Variants in FOXK2 observed in about 807,000 individuals in gnomAD.
FOXK2 encodes the protein forkhead box protein K2.
FOXK2 carries 24 observed loss-of-function variants against 53.3 expected under a neutral mutation model. The ratio of observed to expected loss-of-function variants is 0.45; its 90% CI spans 0.33 to 0.63. The LOEUF is 0.63. Ranked by LOEUF, FOXK2 falls within the 30% of genes least tolerant of loss-of-function variation. The pLI is 0.03. For synonymous variants in FOXK2, 505 were observed against 407.1 expected (o/e 1.24, Z -2.89); for missense variants, 952 against 910.5 (o/e 1.05, Z -0.59).
chr17:82,580,242 A>G (rs1279290368), intron 4 of FOXK2, among the ~76,000 whole-genome samples: 3 of 138,252 alleles, frequency 2.2e-5, no homozygotes. Flanking sequence ...GTCACCATGA[A>G]GTAGCTCCCA....
chr17:82,536,481 G>A (rs1018261965), intron 1 of FOXK2, among the ~76,000 whole-genome samples: 3 of 152,152 alleles, frequency 2.0e-5, no homozygotes, highest in Non-Finnish European at 2.9e-5. Context: ...CCAAGCTATT[G>A]TTATTGCAGA....
chr17:82,584,549 CTTTTTTT>C lies in FOXK2; in HGVS notation c.1279+380_1279+386del, dbSNP rs34083156. ...TAGACACTGGAAGCAAAAACATGTC[CTTTTTTT>C]TTTTTTTTTTTTTTTTTTGAGACAG... is the stretch of plus-strand genomic sequence containing the variant. On this transcript the variant is annotated intron_variant, in intron 6 of 8. Transcript: ENST00000335255. Among the ~76,000 whole-genome samples the C allele has an allele frequency of 3.9e-3, 348 of 89,868 alleles. 2 individuals are homozygous for C. The highest frequency in any genetic ancestry group is 0.024 in the East Asian group (63 of 2,664). 59.0% of individuals were successfully genotyped at this position (89,868 alleles called of 152,430 possible).
chr17:82,520,214 G>A lies in FOXK2; in HGVS notation c.326G>A (p.Gly109Asp). 7.5e-7 allele frequency: 1 copy of A among 1,327,228 alleles called. No homozygotes were observed. The highest frequency in any genetic ancestry group is 9.6e-7 in the Non-Finnish European group (1 of 1,040,006). 82.2% of individuals were successfully genotyped at this position (1,327,228 alleles called of 1,614,324 possible). ...PPAQPRPDAGGDFYLRCLGKN... is the reference protein window; with the variant it reads ...PPAQPRPDAGDDFYLRCLGKN... ...GCGCAGCCCAGGCCCGACGCCGGCG[G>A]CGACTTCTACCTGCGCTGCTTGGGC... The change falls in exon 1 of 9, where the codon GGC becomes GAC. Residue 109 changes from glycine to aspartate, a missense_variant. By Grantham distance (94) the Gly-to-Asp change is moderately conservative (BLOSUM62 -1). This residue lies in a region of FOXK2 where 163 missense variants were observed against 165.5 expected (regional missense o/e 0.98). Transcript: ENST00000335255.
intron 8 of FOXK2, among the ~76,000 whole-genome samples, chr17:82,597,691 C>T (rs1365825451): frequency 6.6e-6 from 1 of 152,044 alleles, no homozygotes; most frequent in Non-Finnish European, 1.5e-5. Flanking sequence ...GCTTTTGTTG[C>T]CCAGGCTGGA....
chr17:82,573,562 T>TCA (rs1019671658), intron 4 of FOXK2, among the ~76,000 whole-genome samples: 1,812 of 83,306 alleles, frequency 0.022, 20 homozygotes, highest in East Asian at 0.054. Context: ...TCTCTCTCTC[T>TCA]CACACACACA....
chr17:82,573,682 G>C (rs1473332371), intron 4 of FOXK2, among the ~76,000 whole-genome samples: 1 of 152,124 alleles, frequency 6.6e-6, no homozygotes, highest in Non-Finnish European at 1.5e-5. Context: ...ATGGGGTCCA[G>C]CTTGCTCTGT....
At chr17:82,556,341 G>T (rs2044724214) in intron 1 of FOXK2, among the ~76,000 whole-genome samples, 1 of 152,056 alleles carries the variant, frequency 6.6e-6, no homozygotes, top group Non-Finnish European at 1.5e-5. Context: ...CTACTCAGGA[G>T]ACTGAGGCAG....
intron 8 of FOXK2, among the ~76,000 whole-genome samples, chr17:82,592,898 G>T (rs566326225): frequency 7.0e-6 from 1 of 142,906 alleles, no homozygotes; most frequent in African/African-American, 2.6e-5. Flanking sequence ...TCCCTGTGCC[G>T]GGCACAGGCT....
At chr17:82,592,589 C>A (rs1471941446) in intron 8 of FOXK2, among the ~76,000 whole-genome samples, 1 of 152,248 alleles carries the variant, frequency 6.6e-6, no homozygotes, top group Non-Finnish European at 1.5e-5. Context: ...CTGCCTTTCG[C>A]TTCTTTCGTT....
At chr17:82,583,227 C>T (rs4789804) in intron 5 of FOXK2, among the ~76,000 whole-genome samples, 68,022 of 152,126 alleles carry the variant, frequency 0.45, 15,976 homozygotes, top group East Asian at 0.74. Flanking sequence ...TTTCCTTTCC[C>T]TTGGCACAGG....
At chr17:82,555,401 A>G (rs2044713743) in intron 1 of FOXK2, among the ~76,000 whole-genome samples, 1 of 152,072 alleles carries the variant, frequency 6.6e-6, no homozygotes, top group South Asian at 2.1e-4. Context: ...TCATGAGGCA[A>G]CTCATCCAAA....
intron 8 of FOXK2, chr17:82,593,744 G>T (rs2045280515): frequency 6.6e-6 from 1 of 152,384 alleles, no homozygotes; most frequent in South Asian, 2.1e-4. Flanking sequence ...CCAGATTTGG[G>T]GTGAGGATTT....
In FOXK2 at chr17:82,584,290, C is replaced by T. The variant is rs2045105203; in HGVS notation, c.1279+102C>T. On this transcript the variant is annotated intron_variant, in intron 6 of 8. Coordinates refer to ENST00000335255, the MANE Select transcript of FOXK2 (RefSeq NM_004514.4). ...ACAGCCGGACTGGAGGCCTGCCTGT[C>T]CCTCTGTACCTTATACTAGTACCTG... 9.7e-6 allele frequency: 12 copies of T among 1,236,056 alleles called. No individual in the cohort carries two copies. In the Admixed American group the frequency reaches 1.2e-4, roughly 12 times the overall value. 76.6% of individuals were successfully genotyped at this position (1,236,056 alleles called of 1,614,324 possible).
At chr17:82,526,700 G>T (rs148697231) in intron 1 of FOXK2, among the ~76,000 whole-genome samples, 2 of 152,026 alleles carry the variant, frequency 1.3e-5, no homozygotes, top group South Asian at 4.2e-4. Flanking sequence ...CATGGTGGCG[G>T]GCACCTCTAG....
Position 82,586,967 on chromosome 17 carries a change from A to T in FOXK2, c.1577-96A>T, listed in dbSNP as rs1038273921. 3 of 1,055,618 alleles carry T rather than the reference A, an allele frequency of 2.8e-6. No individual in the cohort carries two copies. The Admixed American group carries it at 6.0e-5, about 21-fold the overall frequency. The allele number at this position is 1,055,618 out of a possible 1,614,324, so 65.4% of individuals were successfully genotyped here. A position where few individuals can be genotyped will look rare whatever the true frequency, so the allele number is the denominator to read the frequency against. On this transcript the variant is annotated intron_variant, in intron 7 of 8. Transcript: ENST00000335255. ...GTTTGTTTTAGAGACATTTTCTAGC[A>T]GGTGTGATAGCTATCTGGTTATTAT...
chr17:82,577,799 G>A (rs1300619693), intron 4 of FOXK2, among the ~76,000 whole-genome samples: 3 of 152,182 alleles, frequency 2.0e-5, no homozygotes, highest in Non-Finnish European at 2.9e-5. Flanking sequence ...GTGCAGTGGC[G>A]CGATCTCAGC....
intron 1 of FOXK2, among the ~76,000 whole-genome samples, chr17:82,521,453 T>C (rs943248149): frequency 6.7e-6 from 1 of 148,778 alleles, no homozygotes; most frequent in African/African-American, 2.5e-5. Flanking sequence ...ATTACAGGCG[T>C]GAGCCACCGC....
chr17:82,557,085 A>C (rs2044734497), intron 1 of FOXK2, among the ~76,000 whole-genome samples: 1 of 149,764 alleles, frequency 6.7e-6, no homozygotes, highest in Non-Finnish European at 1.5e-5. Flanking sequence ...GCTGGAGTGC[A>C]ATGGTGTGAT....
At chr17:82,577,368 A>C (rs1239187820) in intron 4 of FOXK2, 1 of 609,592 alleles carries the variant, frequency 1.6e-6, no homozygotes, top group Non-Finnish European at 3.0e-6. Context: ...GACAGCACAA[A>C]GCTCTCTTCT....
Sources: gnomAD v4.1 joint callset for allele counts (sites outside exome capture counted in the v4.1 genomes callset) on GRCh38, gnomAD v4.1.1 for gene constraint, gnomAD v4.1.1 regional missense constraint, MANE v1.5 for transcripts, NCBI Gene and HGNC (gene_info 2026-07-23, HGNC 2026-07-21) for gene names.